TRAK1: variants seen among roughly 807,000 people sequenced by gnomAD.
TRAK1 encodes the protein trafficking kinesin-binding protein 1.
TRAK1 carries 33 observed loss-of-function variants against 92.1 expected under a neutral mutation model. That is an observed-to-expected ratio of 0.36 (90% CI 0.27 to 0.48). TRAK1 has a LOEUF of 0.48. Among genes scored for constraint, TRAK1 ranks in the 20% least tolerant of loss-of-function variants. TRAK1 has a pLI of 0.99. For synonymous variants in TRAK1, 521 were observed against 517.3 expected, an observed-to-expected ratio of 1.01 and a Z score of -0.10; for missense variants, 1,123 against 1,257.9, an observed-to-expected ratio of 0.89 and a Z score of 1.62.
intron 13 of TRAK1, among the ~76,000 whole-genome samples, chr3:42,205,842 A>G (rs1254154432): frequency 6.6e-6 from 1 of 152,234 alleles, no homozygotes; most frequent in Non-Finnish European, 1.5e-5. Context: ...GAAGGACGCA[A>G]TGACCATAGT....
chr3:42,209,330 G>A (rs887450615), intron 13 of TRAK1, among the ~76,000 whole-genome samples: 4 of 151,976 alleles, frequency 2.6e-5, no homozygotes, highest in African/African-American at 9.7e-5. Context: ...TATGTCTTCC[G>A]TGTTCCCAGG....
intron 14 of TRAK1, 140 bp from the exon 15 acceptor site, chr3:42,219,354 T>C: frequency 6.5e-7 from 1 of 1,547,870 alleles, no homozygotes; most frequent in South Asian, 1.2e-5. Context: ...CCAGAACATT[T>C]GCGTTTCACC....
Position 42,202,698 on chromosome 3 carries a change from T to G in TRAK1, c.1690T>G (p.Phe564Val). ...SEFTGFSGMS[F>V]SSRSYLPEKL... ...GTTCACCGGCTTCTCTGGCATGTCC[T>G]TCAGCAGCCGCTCCTACCTGCCTGA... The change falls in exon 13 of 16, where the codon TTC (phenylalanine) becomes GTC (valine). Residue 564 changes from phenylalanine to valine, a missense_variant. Around this residue, in one of 3 missense-constraint regions of TRAK1, gnomAD observed 686 missense variants for 747.6 expected, o/e 0.92. Transcript: ENST00000327628. This position sits in a 1 kb window ranked among gnomAD's most constrained non-coding sequence, Gnocchi z 6.1. 4 of 1,613,690 alleles carry G rather than the reference T, an allele frequency of 2.5e-6. No individual in the cohort carries two copies. The highest frequency in any genetic ancestry group is 3.4e-6 in the Non-Finnish European group (4 of 1,179,934).
rs776184775 is a variant in TRAK1 at position 42,223,294 on chromosome 3, G to T, written c.2419G>T (p.Asp807Tyr). ...GTTCAAGTGCACGAGCCCTCCCTAC[G>T]ACAATTTCCTGGCTTCCAAGCCAGC... is the stretch of plus-strand genomic sequence containing the variant. Reference protein sequence around the residue: ...FEFKCTSPPYDNFLASKPASS... With the variant: ...FEFKCTSPPYYNFLASKPASS... Residue 807 changes from aspartate to tyrosine, a missense_variant, in exon 16 of 16, where the codon GAC becomes TAC. Asp to Tyr is a radical substitution (Grantham distance 160). This residue lies in a region of TRAK1 where 401 missense variants were observed against 438.9 expected (regional missense o/e 0.91). Coordinates refer to ENST00000327628, the MANE Select transcript of TRAK1 (RefSeq NM_001042646.3). This position sits in a 1 kb window ranked among gnomAD's most constrained non-coding sequence, Gnocchi z 6.1. The T allele has an allele frequency of 6.2e-7, 1 of 1,614,108 alleles. No individual in the cohort carries two copies. Among genetic ancestry groups the T allele is most frequent in the Non-Finnish European group, 8.5e-7 (1 of 1,180,028 alleles).
At chr3:42,030,689 A>AATATATATATATAT (rs57651073) in intron 1 of TRAK1, among the ~76,000 whole-genome samples, 4 of 97,674 alleles carry the variant, frequency 4.1e-5, no homozygotes, top group African/African-American at 2.2e-4. Context: ...AAAAAAAAAG[A>AATATATATATATAT]ATATATATAT....
chr3:42,225,853 T>C lies in TRAK1; in HGVS notation c.*2116T>C, dbSNP rs545369864. On this transcript the variant is annotated 3_prime_UTR_variant, in exon 16 of 16. Transcript: ENST00000327628. The stretch of plus-strand genomic sequence containing the variant: ...TCTTTATGTAAGACTTGAAAGTGTT[T>C]AGCTCTTTGCAAAATTAAATGAAAG... 6.6e-6 allele frequency: 1 copy of C among 152,342 alleles called. No individual in the cohort carries two copies. The highest frequency in any genetic ancestry group is 2.4e-5 in the African/African-American group (1 of 41,594). The allele number at this position is 152,342 out of a possible 1,614,324, so 9.4% of individuals were successfully genotyped here.
At chr3:42,031,832 G>A (rs1462629261) in intron 1 of TRAK1, among the ~76,000 whole-genome samples, 1 of 152,092 alleles carries the variant, frequency 6.6e-6, no homozygotes, top group Non-Finnish European at 1.5e-5. Flanking sequence ...TGCCCCCAGA[G>A]TAAAGATCAG....
Position 42,193,176 on chromosome 3 carries a change from A to G in TRAK1, c.871A>G (p.Ile291Val). ...QEEITHLLSQIVDLQKKAKAC... is the reference protein window; with the variant it reads ...QEEITHLLSQVVDLQKKAKAC... The stretch of plus-strand genomic sequence containing the variant: ...GGAGATCACACACCTGCTATCGCAA[A>G]TAGTTGATTTGCAGAAAAAGGCAAA... The change falls in exon 8 of 16, where the codon ATA becomes GTA. Residue 291 changes from isoleucine (I) to valine (V), a missense_variant. By Grantham distance (29) the Ile-to-Val change is conservative. Around this residue, in one of 3 missense-constraint regions of TRAK1, gnomAD observed 686 missense variants for 747.6 expected, o/e 0.92. Transcript: ENST00000327628. 3 of 1,614,188 alleles carry G rather than the reference A, an allele frequency of 1.9e-6. No individual in the cohort carries two copies. Among genetic ancestry groups the G allele is most frequent in the Non-Finnish European group, 2.5e-6 (3 of 1,180,004 alleles).
At chr3:42,221,374 G>A (rs2149548857) in intron 15 of TRAK1, among the ~76,000 whole-genome samples, 1 of 152,158 alleles carries the variant, frequency 6.6e-6, no homozygotes, top group South Asian at 2.1e-4. Flanking sequence ...TGTGTGAGAT[G>A]GGCCTGTTCT....
At chr3:42,155,646 G>T (rs1700449278) in intron 2 of TRAK1, among the ~76,000 whole-genome samples, 1 of 152,142 alleles carries the variant, frequency 6.6e-6, no homozygotes, top group Non-Finnish European at 1.5e-5. Context: ...AAAATAAGGG[G>T]CACCCTTTAG....
intron 14 of TRAK1, chr3:42,212,398 AGAAG>A: frequency 6.1e-6 from 6 of 985,440 alleles, no homozygotes; most frequent in Non-Finnish European, 7.2e-6. Flanking sequence ...CTGGTATGAT[AGAAG>A]GAAATTGGGA....
chr3:42,215,662 G>C (rs1255422737), intron 14 of TRAK1, among the ~76,000 whole-genome samples: 1 of 152,228 alleles, frequency 6.6e-6, no homozygotes, highest in Non-Finnish European at 1.5e-5. Flanking sequence ...CTTCCCAAGA[G>C]TGGCAAAAAG....
intron 1 of TRAK1, among the ~76,000 whole-genome samples, chr3:42,066,808 G>A (rs143349325): frequency 3.4e-4 from 52 of 152,168 alleles, no homozygotes; most frequent in African/African-American, 1.1e-3. Context: ...GTTTGGACCC[G>A]TTTCCTAGTA....
At chr3:42,148,197 A>G (rs1699554972) in intron 2 of TRAK1, among the ~76,000 whole-genome samples, 1 of 152,154 alleles carries the variant, frequency 6.6e-6, no homozygotes, top group Non-Finnish European at 1.5e-5. Flanking sequence ...ATGTCTGGAG[A>G]CATTTTTGGT....
At chr3:42,134,191 C>A (rs1217909972) in intron 2 of TRAK1, among the ~76,000 whole-genome samples, 1 of 109,796 alleles carries the variant, frequency 9.1e-6, no homozygotes, top group Non-Finnish European at 1.8e-5. Context: ...TCCCCTTCCC[C>A]CTCCCCTTCC....
At chr3:42,039,283 A>G (rs1445443457) in intron 1 of TRAK1, among the ~76,000 whole-genome samples, 3 of 152,162 alleles carry the variant, frequency 2.0e-5, no homozygotes, top group African/African-American at 7.2e-5. Flanking sequence ...TTATTTCCAA[A>G]TATTAATCTG....
chr3:42,149,616 C>G, intron 2 of TRAK1: 1 of 1,535,924 alleles, frequency 6.5e-7, no homozygotes, highest in Admixed American at 2.0e-5. Flanking sequence ...ATGGCCCCTG[C>G]AAAACAGAGC....
At chr3:42,044,399 A>C (rs1702677180) in intron 1 of TRAK1, among the ~76,000 whole-genome samples, 3 of 152,206 alleles carry the variant, frequency 2.0e-5, no homozygotes, top group African/African-American at 7.2e-5. Context: ...TGAGCTCAAG[A>C]GATCCACTTG....
At chr3:42,068,158 T>TAAAAAAAA (rs879692318) in intron 1 of TRAK1, among the ~76,000 whole-genome samples, 1 of 142,236 alleles carries the variant, frequency 7.0e-6, no homozygotes, top group African/African-American at 2.6e-5. Context: ...AGACTCTGTC[T>TAAAAAAAA]AAAAAAAAAA....
Sources: gnomAD v4.1 joint callset for allele counts (sites outside exome capture counted in the v4.1 genomes callset) on GRCh38, gnomAD v4.1.1 for gene constraint, gnomAD v4.1.1 regional missense constraint, Gnocchi (gnomAD v3.1) non-coding constraint, MANE v1.5 for transcripts, NCBI Gene and HGNC (gene_info 2026-07-23, HGNC 2026-07-21) for gene names.